CSMD3: variants seen among roughly 807,000 people sequenced by gnomAD.
CSMD3 encodes CUB and Sushi multiple domains 3.
CSMD3 carries 177 observed loss-of-function variants against 435.2 expected under a neutral mutation model. The ratio of observed to expected loss-of-function variants is 0.41; its 90% CI spans 0.36 to 0.46. The LOEUF is 0.46. Among genes scored for constraint, CSMD3 ranks in the 20% least tolerant of loss-of-function variants. The pLI is 0.34. For synonymous variants in CSMD3, 1,656 were observed against 1,520.5 expected (o/e 1.09, Z -2.07); for missense variants, 4,265 against 4,504.6 (o/e 0.95, Z 1.52).
At chr8:113,212,189 G>T (rs1174546487) in intron 3 of CSMD3, among the ~76,000 whole-genome samples, 2 of 152,070 alleles carry the variant, frequency 1.3e-5, no homozygotes, top group Non-Finnish European at 2.9e-5. Context: ...AATAAGAAAA[G>T]CACATTATAG....
chr8:112,289,042 T>C (rs537120646), intron 57 of CSMD3, among the ~76,000 whole-genome samples: 5 of 152,082 alleles, frequency 3.3e-5, no homozygotes, highest in African/African-American at 7.2e-5. Context: ...ATGGGATAGA[T>C]ACTTTAGCTT....
In CSMD3 at chr8:113,046,444, T is replaced by C. The variant is rs985969438; in HGVS notation, c.918-27265A>G. Among the ~76,000 whole-genome samples the C allele has an allele frequency of 2.2e-5, 3 of 133,682 alleles. 1 individual carries two copies. Among genetic ancestry groups the C allele is most frequent in the Non-Finnish European group, 5.4e-5 (3 of 55,550 alleles). The allele number at this position is 133,682 out of a possible 152,430, so 87.7% of individuals were successfully genotyped here. On this transcript the variant is annotated intron_variant, in intron 5 of 70. Coordinates refer to ENST00000297405, the MANE Select transcript of CSMD3 (RefSeq NM_198123.2). Reference sequence around the variant, plus strand: ...TTCTCCACAAGAGCAGCCACCCAGGTGTCTCCCTCTGAGAGTTCTGAAGTC... The same window carrying C: ...TTCTCCACAAGAGCAGCCACCCAGGCGTCTCCCTCTGAGAGTTCTGAAGTC...
intron 11 of CSMD3, among the ~76,000 whole-genome samples, chr8:112,846,607 G>A (rs780409292): frequency 1.3e-5 from 2 of 151,776 alleles, no homozygotes; most frequent in Non-Finnish European, 2.9e-5. Flanking sequence ...AAAGGGTCTT[G>A]CTATGTTGCT....
intron 11 of CSMD3, among the ~76,000 whole-genome samples, chr8:112,854,711 G>T (rs990377097): frequency 5.9e-5 from 9 of 152,196 alleles, no homozygotes; most frequent in Admixed American, 3.9e-4. Context: ...ACATTTGGAT[G>T]CTCTGTGATA....
chr8:112,292,705 T>C lies in CSMD3; in HGVS notation c.8620A>G (p.Ser2874Gly). Reference sequence around the variant, plus strand: ...ATTGGACTACCAGGGTGACCACAGCTAACAGCTAATAAGATGTGGCAGGAG... The same window carrying C: ...ATTGGACTACCAGGGTGACCACAGCCAACAGCTAATAAGATGTGGCAGGAG... ...SGQLPSCVPV[S>G]CGHPGSPIYG... Residue 2874 changes from serine to glycine, a missense_variant, in exon 55 of 71, where the codon AGC (serine) becomes GGC (glycine). Coordinates refer to ENST00000297405, the MANE Select transcript of CSMD3 (RefSeq NM_198123.2). 6.2e-7 allele frequency: 1 copy of C among 1,613,516 alleles called. No homozygotes were observed. Among genetic ancestry groups the C allele is most frequent in the Non-Finnish European group, 8.5e-7 (1 of 1,179,540 alleles).
chr8:112,666,138 C>T lies in CSMD3; in HGVS notation c.2816+139G>A. 14 of 726,000 alleles carry T rather than the reference C, an allele frequency of 1.9e-5. No homozygotes were observed. The South Asian group carries it at 2.2e-4, about 11-fold the overall frequency. 45.0% of individuals were successfully genotyped at this position (726,000 alleles called of 1,614,324 possible). ...AACACGCTGAAAGGTTAAAAGGGGGCAAACAGATGGAAGCATTCAAAGCAC... is the reference window on the plus strand; with the variant it reads ...AACACGCTGAAAGGTTAAAAGGGGGTAAACAGATGGAAGCATTCAAAGCAC... On this transcript the variant is annotated intron_variant, in intron 17 of 70. Coordinates refer to ENST00000297405, the MANE Select transcript of CSMD3 (RefSeq NM_198123.2).
At chr8:112,708,294 A>G (rs1443274007) in intron 13 of CSMD3, among the ~76,000 whole-genome samples, 1 of 152,094 alleles carries the variant, frequency 6.6e-6, no homozygotes, top group Non-Finnish European at 1.5e-5. Context: ...ATATAAGTGG[A>G]AAAGTAAATT....
intron 45 of CSMD3, among the ~76,000 whole-genome samples, chr8:112,324,878 T>G (rs918655621): frequency 6.6e-6 from 1 of 152,084 alleles, no homozygotes; most frequent in Non-Finnish European, 1.5e-5. Flanking sequence ...TACTAGAGTC[T>G]ATATTGCAGT....
chr8:113,063,046 A>G (rs934305522), intron 5 of CSMD3, among the ~76,000 whole-genome samples: 14 of 151,460 alleles, frequency 9.2e-5, no homozygotes, highest in Admixed American at 4.6e-4. Flanking sequence ...GTTTACATAC[A>G]CATTTTTTAA....
chr8:112,278,440 T>C (rs1241927166), intron 59 of CSMD3, among the ~76,000 whole-genome samples: 1 of 152,220 alleles, frequency 6.6e-6, no homozygotes, highest in African/African-American at 2.4e-5. Context: ...AAAGTGATTC[T>C]GAGTTCTGTG....
intron 12 of CSMD3, among the ~76,000 whole-genome samples, chr8:112,825,651 G>A (rs1228916670): frequency 1.4e-4 from 22 of 152,160 alleles, no homozygotes; most frequent in Admixed American, 3.9e-4. Context: ...GGTTCACTCC[G>A]GCACCTGGAG....
chr8:113,133,272 C>G (rs1215012529), intron 4 of CSMD3, among the ~76,000 whole-genome samples: 1 of 151,952 alleles, frequency 6.6e-6, no homozygotes, highest in African/African-American at 2.4e-5. Flanking sequence ...GATATTTCTC[C>G]AAAGGTTATA....
At chr8:113,116,655 AC>A (rs2090838677) in intron 4 of CSMD3, among the ~76,000 whole-genome samples, 1 of 152,128 alleles carries the variant, frequency 6.6e-6, no homozygotes, top group South Asian at 2.1e-4. Flanking sequence ...AAGACAAAAA[AC>A]TGTAGAAAAG....
intron 2 of CSMD3, among the ~76,000 whole-genome samples, chr8:113,304,599 T>G (rs2093802311): frequency 1.4e-5 from 1 of 72,456 alleles, no homozygotes; most frequent in Non-Finnish European, 2.7e-5. Context: ...AAATGATGAG[T>G]TCATGTCCTT....
intron 37 of CSMD3, among the ~76,000 whole-genome samples, chr8:112,382,951 A>G (rs1424650184): frequency 6.6e-6 from 1 of 152,220 alleles, no homozygotes; most frequent in Non-Finnish European, 1.5e-5. Context: ...AGATCTCACC[A>G]CTGCACTCCA....
chr8:112,400,754 A>G (rs1831260715), intron 35 of CSMD3, among the ~76,000 whole-genome samples: 2 of 152,198 alleles, frequency 1.3e-5, no homozygotes, highest in Admixed American at 1.3e-4. Context: ...CCTTAGTTGG[A>G]TAGCATCACC....
Position 112,690,094 on chromosome 8 carries a change from C to T in CSMD3, c.1973-44G>A, listed in dbSNP as rs372073741. 4 of 1,390,956 alleles carry T rather than the reference C, an allele frequency of 2.9e-6. No homozygotes were observed. In the African/African-American group the frequency reaches 4.3e-5, roughly 15 times the overall value. The allele number at this position is 1,390,956 out of a possible 1,614,324, so 86.2% of individuals were successfully genotyped here. A position where few individuals can be genotyped will look rare whatever the true frequency, so the allele number is the denominator to read the frequency against. Reference sequence around the variant, plus strand: ...AAAGTCACCTTCCAAGGGTTGCAGGCATATGATACCCATAATACAAGTTAG... The same window carrying T: ...AAAGTCACCTTCCAAGGGTTGCAGGTATATGATACCCATAATACAAGTTAG... On this transcript the variant is annotated intron_variant, in intron 13 of 70. Transcript: ENST00000297405.
chr8:113,068,744 T>C lies in CSMD3; in HGVS notation c.917+30012A>G, dbSNP rs567025819. On this transcript the variant is annotated intron_variant, in intron 5 of 70. Transcript: ENST00000297405. The stretch of plus-strand genomic sequence containing the variant: ...TTAATAAATAGCATAATTTATTTTC[T>C]ATTTGACTGTTGATGTTCTTGCTAT... Among the ~76,000 whole-genome samples, 3 of 152,292 alleles carry C rather than the reference T, an allele frequency of 2.0e-5. No individual in the cohort carries two copies. In the South Asian group the frequency reaches 6.2e-4, roughly 32 times the overall value.
intron 3 of CSMD3, among the ~76,000 whole-genome samples, chr8:113,228,063 G>C (rs2093047476): frequency 6.6e-6 from 1 of 151,208 alleles, no homozygotes; most frequent in Admixed American, 6.6e-5. Flanking sequence ...GTTATATTTT[G>C]CCTTGTTTTT....
Sources: allele counts gnomAD v4.1 joint callset (sites outside exome capture counted in the v4.1 genomes callset), GRCh38; gene constraint gnomAD v4.1.1; transcripts MANE v1.5; gene names NCBI Gene and HGNC (gene_info 2026-07-23, HGNC 2026-07-21).